TENM1: variants seen among roughly 807,000 people sequenced by gnomAD.
TENM1 encodes the protein teneurin-1.
Under a neutral mutation model 174.8 loss-of-function variants are expected in TENM1, and 35 were observed. That is an observed-to-expected ratio of 0.20 (90% CI 0.15 to 0.27). TENM1 has a LOEUF of 0.27. Ranked by LOEUF, TENM1 falls within the 10% of genes least tolerant of loss-of-function variation. The pLI, the probability that TENM1 is intolerant of heterozygous loss-of-function variation, is 1.00. For missense variants in TENM1, 1,633 were observed against 2,130.1 expected, an observed-to-expected ratio of 0.77 and a Z score of 4.59; for synonymous variants, 781 against 798.7, an observed-to-expected ratio of 0.98 and a Z score of 0.37.
intron 3 of TENM1, among the ~76,000 whole-genome samples, chrX:124,752,596 G>A (rs767035317): frequency 8.9e-6 from 1 of 111,850 alleles, no homozygotes; most frequent in South Asian, 3.8e-4. Context: ...GTAATGCCTA[G>A]ATTTTCTTCT....
At chrX:124,385,773 G>C in exon 29 of TENM1, 1 of 1,211,157 alleles carries the variant, frequency 8.3e-7, no homozygotes, top group Middle Eastern at 2.3e-4. Flanking sequence ...AATGTGACCT[G>C]AGTGGTATCA....
intron 3 of TENM1, among the ~76,000 whole-genome samples, chrX:124,838,916 T>C (rs1420602967): frequency 2.7e-5 from 3 of 111,485 alleles, no homozygotes; most frequent in East Asian, 5.7e-4. Flanking sequence ...TCTAATGTAT[T>C]TGAAGATAAA....
chrX:125,087,932 G>A, the TENM1 span, among the ~76,000 whole-genome samples: 1 of 110,702 alleles, frequency 9.0e-6, no homozygotes, highest in African/African-American at 3.3e-5. Flanking sequence ...CAAGGATGTG[G>A]AATATCCCTT....
chrX:124,943,780 T>C (rs1234185270), intron 1 of TENM1, among the ~76,000 whole-genome samples: 1 of 112,163 alleles, frequency 8.9e-6, no homozygotes, highest in Admixed American at 9.5e-5. Context: ...AGATTGCTGT[T>C]AATTATGTTT....
chrX:125,168,261 C>T, the TENM1 span, among the ~76,000 whole-genome samples: 1 of 111,966 alleles, frequency 8.9e-6, no homozygotes, highest in Non-Finnish European at 1.9e-5. Flanking sequence ...TAGCACAGGT[C>T]CTGGTACATG....
chrX:124,521,867 T>C (rs148284775), intron 17 of TENM1, among the ~76,000 whole-genome samples: 1,979 of 111,973 alleles, frequency 0.018, 39 homozygotes, highest in African/African-American at 0.053. Context: ...GAGGACACGA[T>C]ACCTTTTGTG....
intron 23 of TENM1, among the ~76,000 whole-genome samples, chrX:124,430,580 G>A (rs1048859391): frequency 2.7e-5 from 3 of 112,068 alleles, no homozygotes; most frequent in African/African-American, 9.7e-5. Flanking sequence ...AGCTATTTTT[G>A]AAAATTATGG....
intron 28 of TENM1, among the ~76,000 whole-genome samples, chrX:124,390,449 C>T (rs1388341560): frequency 3.6e-5 from 4 of 112,194 alleles, no homozygotes; most frequent in Non-Finnish European, 5.6e-5. Context: ...CCCACTAACT[C>T]GTCATCTAGA....
intron 11 of TENM1, among the ~76,000 whole-genome samples, chrX:124,601,860 T>C (rs1266454459): frequency 9.0e-6 from 1 of 111,076 alleles, no homozygotes; most frequent in African/African-American, 3.3e-5. Flanking sequence ...ACCATTTGTA[T>C]TGGAACTTGG....
At chrX:124,425,835 T>C (rs890815385) in intron 23 of TENM1, among the ~76,000 whole-genome samples, 12 of 111,058 alleles carry the variant, frequency 1.1e-4, no homozygotes, top group Non-Finnish European at 2.1e-4. Context: ...GTCCAGACCA[T>C]ATTAGAGAAG....
chrX:124,589,095 GT>G (rs56268014), intron 11 of TENM1, among the ~76,000 whole-genome samples: 3,156 of 96,917 alleles, frequency 0.033, 127 homozygotes, highest in African/African-American at 0.1. Flanking sequence ...TTTCTTGAGG[GT>G]TTTTTTTTTT....
chrX:124,413,583 A>T (rs1569530029), intron 25 of TENM1, among the ~76,000 whole-genome samples: 1 of 111,837 alleles, frequency 8.9e-6, no homozygotes, highest in Non-Finnish European at 1.9e-5. Flanking sequence ...ACTTCTGTTC[A>T]CTCTGTCTTT....
intron 6 of TENM1, among the ~76,000 whole-genome samples, chrX:124,658,168 T>C (rs1370472311): frequency 8.9e-6 from 1 of 111,771 alleles, no homozygotes; most frequent in Non-Finnish European, 1.9e-5. Flanking sequence ...GGTGGAAAGC[T>C]ACTGTTTCCA....
intron 1 of TENM1, among the ~76,000 whole-genome samples, chrX:124,900,620 A>G (rs1329352049): frequency 9.0e-6 from 1 of 111,695 alleles, no homozygotes; most frequent in African/African-American, 3.3e-5. Flanking sequence ...AGACTTTTGA[A>G]TCAATTTTCA....
rs2052670045 is a variant in TENM1, at chrX:124,697,149, A to G, written c.1015+7864T>C. Among the ~76,000 whole-genome samples the G allele has an allele frequency of 5.4e-5, 6 of 111,440 alleles. 1 individual carries two copies. The South Asian group carries it at 2.3e-3, about 42-fold the overall frequency. On this transcript the variant is annotated intron_variant, in intron 5 of 31. Coordinates refer to ENST00000422452, the Ensembl canonical transcript of TENM1. ...GTCACATCCAACCCAATAATCAAAC[A>G]TTTGTGAGGCCCTTCCTTAGAAACT...
chrX:125,038,941 T>C, the TENM1 span, among the ~76,000 whole-genome samples: 1 of 111,628 alleles, frequency 9.0e-6, no homozygotes, highest in Admixed American at 9.5e-5. Context: ...TTTAAATAAA[T>C]AGACTTCTGC....
chrX:124,983,438 G>A, the TENM1 span, among the ~76,000 whole-genome samples: 4 of 111,158 alleles, frequency 3.6e-5, no homozygotes, highest in Non-Finnish European at 7.5e-5. Context: ...TGACTAGCAC[G>A]CTGCTTGAAG....
chrX:124,690,635 G>A (rs1441482387), intron 5 of TENM1, among the ~76,000 whole-genome samples: 1 of 110,077 alleles, frequency 9.1e-6, no homozygotes, highest in Non-Finnish European at 1.9e-5. Flanking sequence ...AAGTGTTTGA[G>A]TCATGTGAGT....
intron 4 of TENM1, among the ~76,000 whole-genome samples, chrX:124,736,736 T>A (rs949001863): frequency 5.4e-5 from 6 of 112,110 alleles, no homozygotes; most frequent in African/African-American, 1.9e-4. Context: ...TTCACGTGTA[T>A]CTGCTTTGGT....
Sources: gnomAD v4.1 joint callset for allele counts (sites outside exome capture counted in the v4.1 genomes callset) on GRCh38, gnomAD v4.1.1 for gene constraint, MANE v1.5 for transcripts, NCBI Gene and HGNC (gene_info 2026-07-23, HGNC 2026-07-21) for gene names.